Variants in DAB1 observed in about 807,000 individuals in gnomAD.
DAB1 encodes disabled homolog 1.
DAB1 carries 15 observed loss-of-function variants against 64.6 expected under a neutral mutation model. The ratio of observed to expected loss-of-function variants is 0.23; its 90% confidence interval spans 0.16 to 0.36. DAB1 has a LOEUF of 0.36. Ranked by LOEUF, DAB1 falls within the 10% of genes least tolerant of loss-of-function variation. The pLI is 1.00. For synonymous variants in DAB1, 235 were observed against 251.9 expected (o/e 0.93, Z 0.64); for missense variants, 596 against 706.7 (o/e 0.84, Z 1.78).
chr1:57,761,830 C>T (rs1649102420), intron 6 of DAB1, among the ~76,000 whole-genome samples: 2 of 152,164 alleles, frequency 1.3e-5, no homozygotes, highest in South Asian at 4.1e-4. Flanking sequence ...ACAGGAAACA[C>T]AAAACAGATG....
At chr1:57,145,924 C>A (rs138318566) in intron 2 of DAB1, among the ~76,000 whole-genome samples, 1,922 of 152,304 alleles carry the variant, frequency 0.013, 28 homozygotes, top group South Asian at 0.069. Flanking sequence ...CAGTGAAACT[C>A]CAGAGTAATT....
intron 4 of DAB1, among the ~76,000 whole-genome samples, chr1:58,187,553 T>C (rs1657146953): frequency 6.7e-6 from 1 of 149,074 alleles, no homozygotes; most frequent in Non-Finnish European, 1.5e-5. Context: ...TTAAGATTTA[T>C]GTATATTTTA....
At chr1:57,994,039 C>T (rs1362579344) in intron 5 of DAB1, among the ~76,000 whole-genome samples, 2 of 152,152 alleles carry the variant, frequency 1.3e-5, no homozygotes, top group Non-Finnish European at 2.9e-5. Flanking sequence ...AGAGGCAAGG[C>T]TACTATAGCA....
chr1:57,044,986 C>T (rs1356635796), intron 9 of DAB1, among the ~76,000 whole-genome samples: 1 of 152,322 alleles, frequency 6.6e-6, no homozygotes, highest in East Asian at 1.9e-4. Flanking sequence ...TGCTGTTACT[C>T]GCCTTGTTTC....
At chr1:57,243,119 G>A (rs1668613424) in intron 2 of DAB1, among the ~76,000 whole-genome samples, 1 of 152,178 alleles carries the variant, frequency 6.6e-6, no homozygotes. Context: ...GAGCCACAAA[G>A]CCTGTTAACA....
chr1:57,843,891 G>T (rs1653160848), intron 1 of DAB1, among the ~76,000 whole-genome samples: 1 of 152,178 alleles, frequency 6.6e-6, no homozygotes. Context: ...CATTTGCTCA[G>T]GATGTGGTAT....
intron 3 of DAB1, among the ~76,000 whole-genome samples, chr1:58,485,744 AAT>A (rs1337023658): frequency 6.6e-6 from 1 of 152,168 alleles, no homozygotes; most frequent in South Asian, 2.1e-4. Context: ...ATATAGCTAG[AAT>A]ATGTCTTTCC....
Position 57,441,777 on chromosome 1 carries a change from C to T in DAB1, n.626-150611G>A, listed in dbSNP as rs554440985. ...GAGTGCAGGTGTCTTTTTGGTAGAA[C>T]AATTTATTTTCTTTTGGGTATATAC... On this transcript the variant is annotated intron_variant and non_coding_transcript_variant, in intron 7 of 20. Coordinates refer to the DAB1 transcript ENST00000485760. Among the ~76,000 whole-genome samples, 3 of 152,242 alleles carry T rather than the reference C, an allele frequency of 2.0e-5. 1 individual carries two copies. The South Asian group carries it at 6.2e-4, about 32-fold the overall frequency.
chr1:57,226,672 A>AAAAAACATATATATAT (rs747021990), intron 2 of DAB1, among the ~76,000 whole-genome samples: 1 of 136,016 alleles, frequency 7.4e-6, no homozygotes, highest in African/African-American at 3.1e-5. Context: ...TTAAAAAAAA[A>AAAAAACATATATATAT]ATATATATAT....
chr1:57,119,960 CTT>C (rs1367628886), intron 4 of DAB1, among the ~76,000 whole-genome samples: 1 of 152,196 alleles, frequency 6.6e-6, no homozygotes. Context: ...TTATCAGCCT[CTT>C]TTTCTTTCTT....
chr1:57,068,810 T>C (rs957018179), intron 8 of DAB1, among the ~76,000 whole-genome samples: 7 of 152,204 alleles, frequency 4.6e-5, no homozygotes, highest in Non-Finnish European at 1.0e-4. Flanking sequence ...TCTCACCCTA[T>C]AAAAACAGAA....
chr1:57,057,746 T>A (rs1397024431), intron 9 of DAB1, among the ~76,000 whole-genome samples: 1 of 150,566 alleles, frequency 6.6e-6, no homozygotes, highest in East Asian at 2.0e-4. Context: ...CAGCTGGGAC[T>A]ACAGGTGCCT....
At chr1:58,408,979 C>T (rs970131405) in intron 3 of DAB1, among the ~76,000 whole-genome samples, 4 of 152,314 alleles carry the variant, frequency 2.6e-5, no homozygotes, top group African/African-American at 9.6e-5. Flanking sequence ...ATCCTGTCTT[C>T]AGGAAACTTG....
At chr1:58,281,831 A>G (rs1661570588) in intron 4 of DAB1, among the ~76,000 whole-genome samples, 1 of 152,204 alleles carries the variant, frequency 6.6e-6, no homozygotes, top group African/African-American at 2.4e-5. Context: ...GAATAAATGA[A>G]TGCATGTATG....
At chr1:58,127,584 T>G (rs527444391) in intron 5 of DAB1, among the ~76,000 whole-genome samples, 1 of 152,226 alleles carries the variant, frequency 6.6e-6, no homozygotes, top group African/African-American at 2.4e-5. Context: ...AGGGTTTTTA[T>G]GGTTTTAGGT....
At position 57,520,625 on chromosome 1, in the gene DAB1, A is replaced by G. The variant is rs867009289; in HGVS notation, n.625+128967T>C. ...ATTAGACATTGTTATACTGCTATCA[A>G]TTGGAAGCAGACAGCATGTTGCCTT... On this transcript the variant is annotated intron_variant and non_coding_transcript_variant, in intron 7 of 20. Coordinates refer to the DAB1 transcript ENST00000485760. 1.5e-4 allele frequency among the ~76,000 whole-genome samples: 23 copies of G among 152,308 alleles called. 1 individual carries two copies. Among genetic ancestry groups the G allele is most frequent in the Middle Eastern group, 6.8e-3 (2 of 294 alleles).
At chr1:58,364,433 G>C (rs1270030798) in intron 3 of DAB1, among the ~76,000 whole-genome samples, 1 of 152,200 alleles carries the variant, frequency 6.6e-6, no homozygotes. Flanking sequence ...GCTAATAACA[G>C]AGAAATGTGT....
At chr1:57,052,528 A>G (rs899373179) in intron 9 of DAB1, among the ~76,000 whole-genome samples, 19 of 152,218 alleles carry the variant, frequency 1.2e-4, no homozygotes, top group African/African-American at 4.3e-4. Context: ...CACCAAGTTC[A>G]GAAGGCAACA....
At chr1:57,711,759 G>T (rs1381350765) in intron 6 of DAB1, among the ~76,000 whole-genome samples, 1 of 152,224 alleles carries the variant, frequency 6.6e-6, no homozygotes, top group Non-Finnish European at 1.5e-5. Flanking sequence ...CATATCAGGA[G>T]ATGGCACTGC....
Sources: allele counts gnomAD v4.1 joint callset (sites outside exome capture counted in the v4.1 genomes callset), GRCh38; gene constraint gnomAD v4.1.1; transcripts MANE v1.5; gene names NCBI Gene and HGNC (gene_info 2026-07-23, HGNC 2026-07-21).